KMT2C: variants seen among roughly 807,000 people sequenced by gnomAD.
The protein encoded by KMT2C is lysine methyltransferase 2C, also known as histone-lysine N-methyltransferase 2C.
Under a neutral mutation model 507.9 loss-of-function variants are expected in KMT2C, and 88 were observed. That is an observed-to-expected ratio of 0.17 (90% CI 0.15 to 0.21). The LOEUF (loss-of-function observed/expected upper bound fraction) is 0.21. Ranked by LOEUF, KMT2C falls within the 10% of genes least tolerant of loss-of-function variation. The pLI is 1.00. For missense variants in KMT2C, 4,954 were observed against 5,957.8 expected (o/e 0.83, Z 5.55); for synonymous variants, 2,049 against 2,080.8 (o/e 0.98, Z 0.42).
chr7:152,223,503 T>G (rs1292174964), intron 20 of KMT2C, among the ~76,000 whole-genome samples: 2 of 152,090 alleles, frequency 1.3e-5, no homozygotes, highest in East Asian at 3.9e-4. Flanking sequence ...ATTAAAAATC[T>G]TTAGTCTTGG....
intron 6 of KMT2C, among the ~76,000 whole-genome samples, chr7:152,308,086 C>G (rs967619653): frequency 1.3e-5 from 2 of 152,122 alleles, no homozygotes; most frequent in Non-Finnish European, 2.9e-5. Context: ...TTAAACTGTT[C>G]AAAATTTGAT....
intron 12 of KMT2C, 109 bp from the exon 13 acceptor site, chr7:152,250,062 AAT>A: frequency 1.5e-6 from 1 of 652,070 alleles, no homozygotes; most frequent in Admixed American, 2.4e-5. Context: ...GTCAATTTCC[AAT>A]ATAAGCATGA....
intron 26 of KMT2C, among the ~76,000 whole-genome samples, 162 bp from the exon 27 acceptor site, chr7:152,199,621 T>G (rs2094072724): frequency 6.6e-6 from 1 of 152,186 alleles, no homozygotes; most frequent in African/African-American, 2.4e-5. Flanking sequence ...AAATATCCTG[T>G]CAATTATTTT....
intron 2 of KMT2C, among the ~76,000 whole-genome samples, chr7:152,356,137 A>T (rs2097149319): frequency 6.6e-6 from 1 of 152,218 alleles, no homozygotes; most frequent in African/African-American, 2.4e-5. Flanking sequence ...ATTTGATGGT[A>T]GATGAATATG....
chr7:152,165,632 T>C (rs1305122160), intron 42 of KMT2C, among the ~76,000 whole-genome samples: 3 of 152,246 alleles, frequency 2.0e-5, no homozygotes, highest in South Asian at 4.1e-4. Context: ...TCCAAATCCC[T>C]AATCTAATAG....
At chr7:152,413,081 A>T (rs1035418209) in intron 1 of KMT2C, among the ~76,000 whole-genome samples, 3 of 152,208 alleles carry the variant, frequency 2.0e-5, no homozygotes, top group Non-Finnish European at 2.9e-5. Flanking sequence ...GAAAAAAAAC[A>T]AAACTAAACT....
chr7:152,374,338 AATAATT>A (rs1202687742), intron 1 of KMT2C, among the ~76,000 whole-genome samples: 5 of 151,630 alleles, frequency 3.3e-5, no homozygotes, highest in African/African-American at 1.2e-4. Flanking sequence ...TAATAATAAT[AATAATT>A]AATAAAAATT....
chr7:152,385,689 A>G (rs897565284), intron 1 of KMT2C, among the ~76,000 whole-genome samples: 3 of 143,642 alleles, frequency 2.1e-5, no homozygotes, highest in Non-Finnish European at 4.5e-5. Context: ...TGATGATATT[A>G]TGGATTTAAC....
intron 27 of KMT2C, 47 bp downstream of exon 27, chr7:152,199,232 G>T: frequency 2.8e-6 from 4 of 1,409,960 alleles, no homozygotes; most frequent in Non-Finnish European, 3.9e-6. Context: ...AAAGGAAGAT[G>T]TATGTTATAT....
intron 42 of KMT2C, among the ~76,000 whole-genome samples, chr7:152,164,573 G>A (rs1262911392): frequency 2.0e-5 from 3 of 152,114 alleles, no homozygotes; most frequent in Non-Finnish European, 2.9e-5. Context: ...ACAGGCGTGA[G>A]CCACTGCGCC....
rs551426338 is a variant in KMT2C, at chr7:152,388,736, G to C, written c.162-30061C>G. Among the ~76,000 whole-genome samples the C allele has an allele frequency of 2.3e-5, 3 of 130,776 alleles. No homozygotes were observed. The East Asian group carries it at 8.2e-4, about 36-fold the overall frequency. 85.8% of individuals were successfully genotyped at this position (130,776 alleles called of 152,430 possible). A position where few individuals can be genotyped will look rare whatever the true frequency, so the allele number is the denominator to read the frequency against. On this transcript the variant is annotated intron_variant, in intron 1 of 58. Coordinates refer to ENST00000262189, the MANE Select transcript of KMT2C (RefSeq NM_170606.3). Reference sequence around the variant, plus strand: ...ATTTTAGGCTCAAATTTTATGTTTTGGGGACTACTTAGACTTTTTTTTTTT... The same window carrying C: ...ATTTTAGGCTCAAATTTTATGTTTTCGGGACTACTTAGACTTTTTTTTTTT...
In KMT2C at chr7:152,211,641, G is replaced by C. The variant is rs558945769; in HGVS notation, c.3713-4213C>G. On this transcript the variant is annotated intron_variant, in intron 23 of 58. Coordinates refer to ENST00000262189, the MANE Select transcript of KMT2C (RefSeq NM_170606.3). ...GTAAGCATACATGTTGAGACAAATG[G>C]CATAAAGTAGCACATACAGTGCCCT... Among the ~76,000 whole-genome samples the C allele has an allele frequency of 3.5e-4, 54 of 152,318 alleles. No homozygotes were observed. In the South Asian group the frequency reaches 0.011, roughly 30 times the overall value.
At chr7:152,371,388 C>T (rs2097292250) in intron 1 of KMT2C, among the ~76,000 whole-genome samples, 1 of 151,438 alleles carries the variant, frequency 6.6e-6, no homozygotes, top group East Asian at 1.9e-4. Flanking sequence ...GTAGTAGATA[C>T]ATAAACCAGA....
At chr7:152,215,280 G>A (rs1169840938) in intron 23 of KMT2C, among the ~76,000 whole-genome samples, 24 of 151,816 alleles carry the variant, frequency 1.6e-4, no homozygotes, top group Admixed American at 6.6e-4. Context: ...TTGGGAGGCC[G>A]AGGCAGGCAG....
At chr7:152,229,195 C>T (rs2095030850) in intron 18 of KMT2C, among the ~76,000 whole-genome samples, 2 of 152,108 alleles carry the variant, frequency 1.3e-5, no homozygotes, top group Admixed American at 1.3e-4. Context: ...GAAAAGATTT[C>T]CTTGTGGAGT....
chr7:152,171,274 G>A lies in KMT2C; in HGVS notation c.9443C>T (p.Ala3148Val), dbSNP rs1026459564. The change falls in exon 40 of 59, where the codon GCC becomes GTC. Residue 3148 changes from alanine (A) to valine (V), a missense_variant. Around this residue, in one of 29 missense-constraint regions of KMT2C, gnomAD observed 1,689 missense variants for 1,654.3 expected, o/e 1.02. Transcript: ENST00000262189. ...NSEGQNLGPQ[A>V]IPQDGSITHQ... ...TACAGGCAGTGTTACCTGAGGAATG[G>A]CCTGTGGTCCAAGGTTCTGTCCTTC... The A allele has an allele frequency of 5.6e-6, 9 of 1,606,660 alleles. No homozygotes were observed. The highest frequency in any genetic ancestry group is 1.7e-5 in the Admixed American group (1 of 59,084).
At chr7:152,230,104 T>C in intron 17 of KMT2C, 77 bp from the exon 18 acceptor site, 1 of 865,108 alleles carries the variant, frequency 1.2e-6, no homozygotes, top group South Asian at 1.6e-5. Context: ...AAAAATACCT[T>C]CTTAACTAAT....
chr7:152,218,083 A>G (rs1293322991), intron 23 of KMT2C, among the ~76,000 whole-genome samples: 3 of 152,240 alleles, frequency 2.0e-5, no homozygotes, highest in Non-Finnish European at 4.4e-5. Context: ...CAAGCATCAG[A>G]AAGTGTTTCT....
At position 152,295,968 on chromosome 7, in the gene KMT2C, T is replaced by G. The variant is rs907414233; in HGVS notation, c.849+13998A>C. On this transcript the variant is annotated intron_variant, in intron 6 of 58. Transcript: ENST00000262189. The stretch of plus-strand genomic sequence containing the variant: ...CTATAGTCCCAGCTACTCGGGAGGC[T>G]GAGGCAGGAGAATGGCGTGAACCCA... 2.8e-5 allele frequency among the ~76,000 whole-genome samples: 4 copies of G among 145,146 alleles called. No homozygotes were observed. The Admixed American group carries it at 2.9e-4, about 11-fold the overall frequency.
Sources: allele counts gnomAD v4.1 joint callset (sites outside exome capture counted in the v4.1 genomes callset), GRCh38; gene constraint gnomAD v4.1.1; regional missense constraint gnomAD v4.1.1; transcripts MANE v1.5; gene names NCBI Gene and HGNC (gene_info 2026-07-23, HGNC 2026-07-21).